The following NEK7 variants were observed in gnomAD, a reference collection of about 807,000 sequenced individuals.
The protein encoded by NEK7 is NIMA related kinase 7.
A neutral mutation model predicts 44.6 loss-of-function variants in NEK7; 18 were observed. The ratio of observed to expected loss-of-function variants is 0.40; its 90% CI spans 0.28 to 0.60. NEK7 has a LOEUF of 0.60. Among genes scored for constraint, NEK7 ranks in the 20% least tolerant of loss-of-function variants. The probability of loss-of-function intolerance (pLI) is 0.38; values close to 1 mark genes in which losing one functional copy is unlikely to be tolerated. For missense variants in NEK7, 256 were observed against 366.5 expected (o/e 0.70, Z 2.46); for synonymous variants, 130 against 121.1 (o/e 1.07, Z -0.48).
chr1:198,284,318 A>T (rs1461263407), intron 7 of NEK7, among the ~76,000 whole-genome samples: 1 of 151,722 alleles, frequency 6.6e-6, no homozygotes, highest in Non-Finnish European at 1.5e-5. Context: ...CTGTTTTCTG[A>T]TTTGTTGTTA....
intron 1 of NEK7, among the ~76,000 whole-genome samples, chr1:198,173,496 A>G (rs1269697618): frequency 6.6e-6 from 1 of 152,002 alleles, no homozygotes; most frequent in East Asian, 1.9e-4. Context: ...TACTGGAGGA[A>G]AGTAAAATTT....
chr1:198,191,469 T>TA (rs989791928), intron 1 of NEK7, among the ~76,000 whole-genome samples: 1 of 151,920 alleles, frequency 6.6e-6, no homozygotes, highest in Non-Finnish European at 1.5e-5. Flanking sequence ...TTTTGCCAGT[T>TA]AAAAAAAATT....
chr1:198,315,230 A>C (rs1457034386), intron 9 of NEK7, among the ~76,000 whole-genome samples: 2 of 152,110 alleles, frequency 1.3e-5, no homozygotes, highest in Admixed American at 6.5e-5. Context: ...TTCTTTGACT[A>C]GGTAAGGGAA....
intron 9 of NEK7, among the ~76,000 whole-genome samples, chr1:198,312,861 A>G (rs1477773381): frequency 1.3e-5 from 2 of 152,086 alleles, no homozygotes; most frequent in Non-Finnish European, 2.9e-5. Flanking sequence ...ACTTCCAAGT[A>G]TGTGGTCAAT....
chr1:198,293,342 G>A lies in NEK7; in HGVS notation c.684+303G>A, dbSNP rs547702946. Among the ~76,000 whole-genome samples, 50 of 151,970 alleles carry A rather than the reference G, an allele frequency of 3.3e-4. No individual in the cohort carries two copies. In the South Asian group the frequency reaches 0.01, roughly 32 times the overall value. On this transcript the variant is annotated intron_variant, in intron 8 of 9. Transcript: ENST00000367385. The stretch of plus-strand genomic sequence containing the variant: ...TGTAAAAATATACGTTTGAACATCT[G>A]TAAATCTTGATCCATGCATTACAGG...
intron 3 of NEK7, among the ~76,000 whole-genome samples, chr1:198,256,030 A>G (rs1653252211): frequency 6.6e-6 from 1 of 152,156 alleles, no homozygotes; most frequent in South Asian, 2.1e-4. Context: ...CTTTAAAAAA[A>G]CCCTAAAGAA....
At chr1:198,227,577 G>A (rs1666264414) in intron 1 of NEK7, among the ~76,000 whole-genome samples, 1 of 152,158 alleles carries the variant, frequency 6.6e-6, no homozygotes, top group South Asian at 2.1e-4. Flanking sequence ...GGTGTGAGAT[G>A]GTATTTCATT....
chr1:198,253,272 AGC>A (rs1653137118), intron 3 of NEK7, 92 bp downstream of exon 3: 1 of 800,734 alleles, frequency 1.2e-6, no homozygotes. Flanking sequence ...GGGTACTGAT[AGC>A]CTTAAGTTGA....
intron 5 of NEK7, among the ~76,000 whole-genome samples, chr1:198,273,590 G>A (rs1310549162): frequency 1.3e-5 from 2 of 151,568 alleles, no homozygotes; most frequent in African/African-American, 4.8e-5. Flanking sequence ...TGCTGTGTTT[G>A]AGAACTTAAC....
intron 1 of NEK7, among the ~76,000 whole-genome samples, chr1:198,189,339 A>G (rs1026237723): frequency 4.6e-5 from 7 of 152,170 alleles, no homozygotes; most frequent in African/African-American, 1.4e-4. Flanking sequence ...TTAAAGCACA[A>G]TTGAGAGAAA....
intron 1 of NEK7, among the ~76,000 whole-genome samples, chr1:198,210,303 C>G (rs191343094): frequency 5.1e-4 from 78 of 152,256 alleles, no homozygotes; most frequent in Non-Finnish European, 9.9e-4. Context: ...TTAGGCAGGT[C>G]TTGAACTCCT....
intron 1 of NEK7, among the ~76,000 whole-genome samples, chr1:198,192,858 T>G (rs945613657): frequency 6.6e-6 from 1 of 151,900 alleles, no homozygotes; most frequent in African/African-American, 2.4e-5. Flanking sequence ...ATCAAAAAGC[T>G]AGAAAGATCT....
At chr1:198,227,830 C>CT (rs900943346) in intron 1 of NEK7, among the ~76,000 whole-genome samples, 28 of 152,142 alleles carry the variant, frequency 1.8e-4, no homozygotes, top group Non-Finnish European at 3.5e-4. Context: ...CCTGTTCACT[C>CT]TGATGGTAGT....
chr1:198,286,229 A>G (rs1654363849), intron 7 of NEK7, among the ~76,000 whole-genome samples: 2 of 152,200 alleles, frequency 1.3e-5, no homozygotes, highest in South Asian at 4.1e-4. Context: ...TATGATTATC[A>G]AGTTTAGATT....
At chr1:198,311,516 C>A (rs201091387) in intron 9 of NEK7, among the ~76,000 whole-genome samples, 14,194 of 150,566 alleles carry the variant, frequency 0.094, 954 homozygotes, top group South Asian at 0.26. Flanking sequence ...GTCTTGTGCC[C>A]GTTTTCAAAG....
chr1:198,252,201 A>G (rs1211808719), intron 2 of NEK7, among the ~76,000 whole-genome samples: 1 of 151,916 alleles, frequency 6.6e-6, no homozygotes, highest in African/African-American at 2.4e-5. Context: ...GAGTTTCTTA[A>G]TCCTGAGTTC....
At chr1:198,264,077 G>T in intron 4 of NEK7, 48 bp from the exon 5 acceptor site, 1 of 1,539,634 alleles carries the variant, frequency 6.5e-7, no homozygotes, top group South Asian at 1.3e-5. Context: ...AGTGACTCTT[G>T]GATATTTACA....
At chr1:198,210,126 A>G (rs72751020) in intron 1 of NEK7, among the ~76,000 whole-genome samples, 6,642 of 151,948 alleles carry the variant, frequency 0.044, 229 homozygotes, top group Middle Eastern at 0.065. Flanking sequence ...ACAGGGTCCT[A>G]CTTTGTCACT....
At chr1:198,239,334 G>C (rs1223883593) in intron 2 of NEK7, among the ~76,000 whole-genome samples, 1 of 151,868 alleles carries the variant, frequency 6.6e-6, no homozygotes, top group African/African-American at 2.4e-5. Flanking sequence ...TCGAATTTTG[G>C]ACTCAGATTC....
Sources: gnomAD v4.1 joint callset for allele counts (sites outside exome capture counted in the v4.1 genomes callset) on GRCh38, gnomAD v4.1.1 for gene constraint, MANE v1.5 for transcripts, NCBI Gene and HGNC (gene_info 2026-07-23, HGNC 2026-07-21) for gene names.